ZFAND4: variants seen among roughly 807,000 people sequenced by gnomAD.
ZFAND4 encodes AN1-type zinc finger protein 4.
In ZFAND4, 43 loss-of-function variants were observed where a neutral mutation model predicts 64.4. The observed-to-expected ratio is 0.67, with a 90% CI of 0.52 to 0.86. ZFAND4 has a LOEUF of 0.86. ZFAND4 is among the 40% of genes least tolerant of loss of function. ZFAND4 has a pLI of 0.00. For missense variants in ZFAND4, 929 were observed against 859.8 expected, an observed-to-expected ratio of 1.08 and a Z score of -1.01; for synonymous variants, 296 against 305.7, an observed-to-expected ratio of 0.97 and a Z score of 0.33.
chr10:45,622,797 G>A (rs533861380), intron 8 of ZFAND4, among the ~76,000 whole-genome samples: 10 of 152,158 alleles, frequency 6.6e-5, no homozygotes, highest in Non-Finnish European at 1.2e-4. Context: ...CGTTGAAGAC[G>A]GGAGTTTGAA....
At chr10:45,653,275 T>C (rs1290917179) in intron 2 of ZFAND4, among the ~76,000 whole-genome samples, 2 of 152,192 alleles carry the variant, frequency 1.3e-5, no homozygotes, top group Non-Finnish European at 2.9e-5. Context: ...AAGAACAGCA[T>C]GTTGCAATAA....
chr10:45,639,874 GTTATT>G lies in ZFAND4; in HGVS notation c.654_658del (p.Ile219TyrfsTer3). On this transcript the variant is annotated frameshift_variant, in exon 6 of 10. Transcript: ENST00000344646. LOFTEE classifies it high-confidence loss of function. ...CTTCAGCAGCTTCATCTTATTCATA[GTTATT>G]GAATTTTCAATTATCTGTTGCCCAG... 2.5e-6 allele frequency: 4 copies of G among 1,613,300 alleles called. No homozygotes were observed. Among genetic ancestry groups the G allele is most frequent in the Non-Finnish European group, 3.4e-6 (4 of 1,179,832 alleles).
chr10:45,624,817 G>A (rs558819324), intron 7 of ZFAND4, among the ~76,000 whole-genome samples, 180 bp from the exon 8 acceptor site: 4 of 152,018 alleles, frequency 2.6e-5, no homozygotes, highest in East Asian at 3.9e-4. Flanking sequence ...TAGCAATATC[G>A]TGCTTATTAT....
At chr10:45,663,086 C>T (rs1010657417) in intron 2 of ZFAND4, among the ~76,000 whole-genome samples, 10 of 149,098 alleles carry the variant, frequency 6.7e-5, no homozygotes, top group Non-Finnish European at 1.3e-4. Flanking sequence ...AAATGTAAGC[C>T]AAAGACTCTT....
chr10:45,624,802 A>G (rs534318542), intron 7 of ZFAND4, among the ~76,000 whole-genome samples, 165 bp from the exon 8 acceptor site: 52 of 152,344 alleles, frequency 3.4e-4, no homozygotes, highest in African/African-American at 9.1e-4. Flanking sequence ...ACCTGATTCC[A>G]CATCTAGCAA....
chr10:45,665,173 G>T (rs1447233054), intron 1 of ZFAND4, among the ~76,000 whole-genome samples: 1 of 152,090 alleles, frequency 6.6e-6, no homozygotes, highest in Non-Finnish European at 1.5e-5. Flanking sequence ...ACTCTATACA[G>T]GGGGGCCTTG....
chr10:45,653,023 T>C lies in ZFAND4; in HGVS notation c.221A>G (p.Asn74Ser), dbSNP rs1231483480. 1 of 1,612,392 alleles carries C rather than the reference T, an allele frequency of 6.2e-7. No homozygotes were observed. Among genetic ancestry groups the C allele is most frequent in the East Asian group, 2.2e-5 (1 of 44,716 alleles). ...PICRQHLIWN[N>S]MELENDYCLN... ...GCAATAATCATTTTCAAGTTCCATG[T>C]TATTCCAAATTAAGTGTTGTCGACA... The change falls in exon 3 of 10, where the codon AAC becomes AGC. Residue 74 changes from asparagine (N) to serine (S), a missense_variant. Physicochemically the swap from Asn to Ser is conservative, Grantham distance 46 (BLOSUM62 1). Transcript: ENST00000344646.
At chr10:45,635,195 C>CA (rs1173808756) in intron 6 of ZFAND4, among the ~76,000 whole-genome samples, 5,711 of 27,488 alleles carry the variant, frequency 0.21, 526 homozygotes, top group Middle Eastern at 0.28. Flanking sequence ...GCCATCTAAG[C>CA]AAAAAAAAAA....
chr10:45,630,898 C>T (rs2046162607), intron 6 of ZFAND4, among the ~76,000 whole-genome samples: 1 of 148,894 alleles, frequency 6.7e-6, no homozygotes, highest in Non-Finnish European at 1.5e-5. Context: ...CCCAGGAGTT[C>T]GAGGCTGCAG....
intron 1 of ZFAND4, among the ~76,000 whole-genome samples, chr10:45,670,907 T>C (rs1384234367): frequency 6.6e-6 from 1 of 151,954 alleles, no homozygotes; most frequent in African/African-American, 2.4e-5. Context: ...ACCTACAGAA[T>C]GGGAAAAAAA....
chr10:45,664,274 C>CTTT (rs748024984), intron 1 of ZFAND4, among the ~76,000 whole-genome samples: 2 of 141,862 alleles, frequency 1.4e-5, no homozygotes, highest in African/African-American at 5.2e-5. Context: ...GTACATTTGA[C>CTTT]TTTTTTTTTT....
At chr10:45,667,079 A>G (rs2048871432) in intron 1 of ZFAND4, among the ~76,000 whole-genome samples, 1 of 152,222 alleles carries the variant, frequency 6.6e-6, no homozygotes, top group African/African-American at 2.4e-5. Context: ...GAGTACTGCA[A>G]TCTTAATACT....
chr10:45,634,739 G>A (rs1243538734), intron 6 of ZFAND4, among the ~76,000 whole-genome samples: 1 of 151,936 alleles, frequency 6.6e-6, no homozygotes, highest in Non-Finnish European at 1.5e-5. Flanking sequence ...CAGATAATAT[G>A]ATCTTGTATT....
chr10:45,629,406 C>G (rs776522128), intron 6 of ZFAND4, among the ~76,000 whole-genome samples: 1 of 152,044 alleles, frequency 6.6e-6, no homozygotes, highest in East Asian at 1.9e-4. Flanking sequence ...GAAGACATCA[C>G]TTTTTGAAGG....
chr10:45,640,906 C>T (rs918961670), intron 5 of ZFAND4, among the ~76,000 whole-genome samples: 3 of 152,156 alleles, frequency 2.0e-5, no homozygotes, highest in African/African-American at 7.2e-5. Flanking sequence ...AGTCATGATA[C>T]AAGCTATTAA....
intron 4 of ZFAND4, chr10:45,649,696 T>A (rs536258318): frequency 6.6e-6 from 1 of 152,334 alleles, no homozygotes; most frequent in Admixed American, 6.5e-5. Context: ...CCAAAATGTA[T>A]AAATATTAAA....
intron 1 of ZFAND4, 111 bp from the exon 2 acceptor site, chr10:45,663,953 C>A (rs1357854791): frequency 5.0e-6 from 2 of 396,524 alleles, no homozygotes; most frequent in Admixed American, 4.6e-5. Context: ...CCAGAATTCA[C>A]TTTAGTGCTT....
intron 6 of ZFAND4, among the ~76,000 whole-genome samples, chr10:45,639,048 C>T (rs1186634455): frequency 4.6e-5 from 7 of 151,806 alleles, no homozygotes; most frequent in Non-Finnish European, 7.4e-5. Context: ...TGTAAAAATT[C>T]GTCAAGTAGT....
At chr10:45,624,940 C>T (rs560116142) in intron 7 of ZFAND4, among the ~76,000 whole-genome samples, 11 of 151,784 alleles carry the variant, frequency 7.2e-5, no homozygotes, top group African/African-American at 2.2e-4. Context: ...GTGGCTGCAG[C>T]GAGCTGTGAT....
Sources: allele counts gnomAD v4.1 joint callset (sites outside exome capture counted in the v4.1 genomes callset), GRCh38; gene constraint gnomAD v4.1.1; transcripts MANE v1.5; gene names NCBI Gene and HGNC (gene_info 2026-07-23, HGNC 2026-07-21).